The following RB1 variants were observed in gnomAD, a reference collection of about 807,000 sequenced individuals.
RB1 encodes the protein retinoblastoma-associated protein.
Under a neutral mutation model 135.4 loss-of-function variants are expected in RB1, and 18 were observed. The observed-to-expected ratio is 0.13, with a 90% CI of 0.09 to 0.20. The LOEUF is 0.20. RB1 is among the 10% of genes least tolerant of loss of function. RB1 has a pLI of 1.00. For missense variants in RB1, 868 were observed against 1,110.0 expected, an observed-to-expected ratio of 0.78 and a Z score of 3.10; for synonymous variants, 365 against 373.2, an observed-to-expected ratio of 0.98 and a Z score of 0.25.
At chr13:48,342,188 A>C (rs753887490) in intron 2 of RB1, among the ~76,000 whole-genome samples, 25 of 152,108 alleles carry the variant, frequency 1.6e-4, no homozygotes, top group Non-Finnish European at 2.8e-4. Context: ...GAATGAATGA[A>C]TAGAGCAAGG....
chr13:48,344,590 G>T (rs950483319), intron 3 of RB1, among the ~76,000 whole-genome samples: 6 of 152,254 alleles, frequency 3.9e-5, no homozygotes, highest in Middle Eastern at 3.4e-3. Flanking sequence ...GAACAGAAAA[G>T]TGTCCACACG....
intron 17 of RB1, among the ~76,000 whole-genome samples, chr13:48,403,416 TGGA>T (rs1188204645): frequency 6.6e-6 from 1 of 151,738 alleles, no homozygotes; most frequent in Admixed American, 6.6e-5. Flanking sequence ...TGGAGGGAAG[TGGA>T]GGAGTTGATT....
At position 48,303,845 on chromosome 13, in the gene RB1, A is replaced by C. The variant is rs2138026597; in HGVS notation, c.-68A>C. 6.7e-7 allele frequency: 1 copy of C among 1,494,620 alleles called. No homozygotes were observed. 92.6% of individuals were successfully genotyped at this position (1,494,620 alleles called of 1,614,324 possible). A position where few individuals can be genotyped will look rare whatever the true frequency, so the allele number is the denominator to read the frequency against. ...TCGGGAGAGGACGGGGCGTGCCCCG[A>C]CGTGCGCGCGCGTCGTCCTCCCCGG... On this transcript the variant is annotated 5_prime_UTR_variant, in exon 1 of 27. Transcript: ENST00000267163.
intron 17 of RB1, among the ~76,000 whole-genome samples, chr13:48,449,358 T>C (rs1262355921): frequency 6.6e-6 from 1 of 152,208 alleles, no homozygotes; most frequent in Non-Finnish European, 1.5e-5. Context: ...TGCGTATCTT[T>C]AGGTTTTTTA....
In RB1 at chr13:48,481,141, A is replaced by T. The variant is rs890190003; in HGVS notation, c.*1070A>T. The T allele has an allele frequency of 4.3e-6, 1 of 230,938 alleles. No individual in the cohort carries two copies. Among genetic ancestry groups the T allele is most frequent in the African/African-American group, 2.2e-5 (1 of 45,164 alleles). The allele number at this position is 230,938 out of a possible 1,614,324, so 14.3% of individuals were successfully genotyped here. A position where few individuals can be genotyped will look rare whatever the true frequency, so the allele number is the denominator to read the frequency against. The stretch of plus-strand genomic sequence containing the variant: ...TTCTCTGGAATGGTACATGTCTTCC[A>T]TGTATCTTTTGAACTGGCAATTGTC... On this transcript the variant is annotated 3_prime_UTR_variant, in exon 27 of 27. Transcript: ENST00000267163.
chr13:48,347,950 T>C, intron 5 of RB1, 87 bp downstream of exon 5: 1 of 1,035,894 alleles, frequency 9.7e-7, no homozygotes, highest in South Asian at 1.4e-5. Context: ...TAGGGTTAGT[T>C]TGATCGATTA....
intron 20 of RB1, among the ~76,000 whole-genome samples, chr13:48,460,248 G>A (rs1949396581): frequency 6.6e-6 from 1 of 151,922 alleles, no homozygotes; most frequent in African/African-American, 2.4e-5. Flanking sequence ...GGGATTACAG[G>A]CATGAGCCAC....
intron 17 of RB1, among the ~76,000 whole-genome samples, chr13:48,387,494 T>A (rs1948579302): frequency 6.6e-6 from 1 of 152,100 alleles, no homozygotes. Context: ...CAAGAGGCAA[T>A]TCAGTAGAGA....
intron 2 of RB1, chr13:48,340,969 C>T (rs1454440667): frequency 2.0e-5 from 3 of 152,122 alleles, no homozygotes; most frequent in South Asian, 2.1e-4. Context: ...TTTAAGTGCA[C>T]AGTTCAATAC....
At chr13:48,325,536 TCTC>T (rs1952280120) in intron 2 of RB1, among the ~76,000 whole-genome samples, 2 of 152,156 alleles carry the variant, frequency 1.3e-5, no homozygotes, top group Non-Finnish European at 2.9e-5. Flanking sequence ...CAGTAAAAAG[TCTC>T]CTCATTCCTT....
At chr13:48,413,177 T>C (rs1044985717) in intron 17 of RB1, 6 of 167,172 alleles carry the variant, frequency 3.6e-5, no homozygotes, top group African/African-American at 1.4e-4. Flanking sequence ...AGGCTGGGTT[T>C]GGACAAAGAA....
At position 48,431,555 on chromosome 13, in the gene RB1, G is replaced by A. The variant is rs556987364; in HGVS notation, c.1696-21438G>A. 7.9e-5 allele frequency among the ~76,000 whole-genome samples: 12 copies of A among 152,276 alleles called. No individual in the cohort carries two copies. In the South Asian group the frequency reaches 2.5e-3, roughly 32 times the overall value. On this transcript the variant is annotated intron_variant, in intron 17 of 26. Coordinates refer to ENST00000267163, the MANE Select transcript of RB1 (RefSeq NM_000321.3). ...CATCTATTCCCAGAGCAAAATTTCT[G>A]TGGTTACTTTTTTTTATTGGTTTTC...
At chr13:48,382,525 A>G (rs547791964) in intron 17 of RB1, among the ~76,000 whole-genome samples, 4,629 of 151,786 alleles carry the variant, frequency 0.03, 230 homozygotes, top group African/African-American at 0.1. Flanking sequence ...CATATCTTTC[A>G]CCCACTTTTT....
At chr13:48,430,805 T>C (rs779662773) in intron 17 of RB1, among the ~76,000 whole-genome samples, 24 of 151,586 alleles carry the variant, frequency 1.6e-4, no homozygotes, top group Non-Finnish European at 3.2e-4. Flanking sequence ...GGCTCACACC[T>C]GTAATCCCAG....
In RB1 at chr13:48,465,379, T is replaced by C; in HGVS notation, c.2489+11T>C. ...GACTCCAAGATCAAGGTGTGTGTTT[T>C]CTCTTTAGGGAAGTAGTAAAGAATG... is the stretch of plus-strand genomic sequence containing the variant. On this transcript the variant is annotated intron_variant, in intron 23 of 26. Transcript: ENST00000267163. 1 of 1,583,534 alleles carries C rather than the reference T, an allele frequency of 6.3e-7. No homozygotes were observed. The highest frequency in any genetic ancestry group is 8.7e-7 in the Non-Finnish European group (1 of 1,152,330).
chr13:48,320,044 C>G (rs1952221006), intron 2 of RB1: 1 of 500,610 alleles, frequency 2.0e-6, no homozygotes, highest in Non-Finnish European at 3.6e-6. Context: ...CAGCCCCGGG[C>G]TGTGCGGCTC....
At chr13:48,348,125 A>G (rs555661903) in intron 5 of RB1, among the ~76,000 whole-genome samples, 18 of 152,164 alleles carry the variant, frequency 1.2e-4, no homozygotes, top group African/African-American at 4.3e-4. Context: ...GAAAAATGCA[A>G]CAAATGCAAA....
intron 2 of RB1, among the ~76,000 whole-genome samples, chr13:48,327,902 C>T (rs904682404): frequency 3.9e-5 from 6 of 151,936 alleles, no homozygotes; most frequent in East Asian, 1.9e-4. Flanking sequence ...AATCTGTATA[C>T]AAAACATAAA....
chr13:48,346,589 T>C (rs1346670071), intron 4 of RB1, among the ~76,000 whole-genome samples: 2 of 151,922 alleles, frequency 1.3e-5, no homozygotes, highest in African/African-American at 4.8e-5. Context: ...TGGAAACAAC[T>C]GATATTCACA....
Sources: allele counts gnomAD v4.1 joint callset (sites outside exome capture counted in the v4.1 genomes callset), GRCh38; gene constraint gnomAD v4.1.1; transcripts MANE v1.5; gene names NCBI Gene and HGNC (gene_info 2026-07-23, HGNC 2026-07-21).